Variants in NIN observed in about 807,000 individuals in gnomAD.
The protein encoded by NIN is ninein, also known as glycogen synthase kinase 3 beta-interacting protein.
Under a neutral mutation model 257.6 loss-of-function variants are expected in NIN, and 137 were observed. The observed-to-expected ratio is 0.53, with a 90% CI of 0.46 to 0.61. The LOEUF (loss-of-function observed/expected upper bound fraction) is 0.61. Among genes scored for constraint, NIN ranks in the 20% least tolerant of loss-of-function variants. The pLI is 0.00. For missense variants in NIN, 2,439 were observed against 2,501.2 expected (o/e 0.98, Z 0.53); for synonymous variants, 918 against 919.8 (o/e 1.00, Z 0.04).
chr14:50,747,595 G>A (rs1278438306), intron 22 of NIN, among the ~76,000 whole-genome samples: 3 of 152,038 alleles, frequency 2.0e-5, no homozygotes, highest in Non-Finnish European at 2.9e-5. Flanking sequence ...TTATCTGGGC[G>A]TGGTGATGGG....
intron 4 of NIN, among the ~76,000 whole-genome samples, chr14:50,796,963 G>C (rs1402499340): frequency 6.6e-6 from 1 of 152,194 alleles, no homozygotes; most frequent in East Asian, 1.9e-4. Context: ...AAGCAATGAG[G>C]ACCTAAGGGA....
rs1361386497 is a variant in NIN at position 50,749,213 on chromosome 14, G to C, written c.4951-1108C>G. On this transcript the variant is annotated intron_variant, in intron 21 of 30. Transcript: ENST00000530997. ...CTGACAAAAACAAGAAATGGGGAAA[G>C]GATTCCCTATTTAATAAATGGTGTT... Among the ~76,000 whole-genome samples, 33 of 152,146 alleles carry C rather than the reference G, an allele frequency of 2.2e-4. 1 individual carries two copies. The highest frequency in any genetic ancestry group is 4.9e-4 in the Non-Finnish European group (33 of 68,022).
chr14:50,744,329 T>A lies in NIN; in HGVS notation c.5101A>T (p.Lys1701Ter). ...TTGTAGCTTAGAACACTAGAGATTT[T>A]TTGCTGGAAGTCAGAGAGATCGGGA... ...RCPDLSDFQQ[K>*]ISSVLSYNEK... is the part of the protein sequence containing the mutation. Residue 1701 changes from lysine (K) to a stop codon, truncating the protein, a stop_gained, in exon 23 of 31, where the codon AAA (lysine) becomes TAA (stop). Coordinates refer to ENST00000530997, the MANE Select transcript of NIN (RefSeq NM_020921.4). LOFTEE classifies it high-confidence loss of function. 1 of 1,614,158 alleles carries A rather than the reference T, an allele frequency of 6.2e-7. No homozygotes were observed. Among genetic ancestry groups the A allele is most frequent in the Non-Finnish European group, 8.5e-7 (1 of 1,180,000 alleles).
chr14:50,727,692 C>A (rs893551931), intron 29 of NIN: 2 of 1,440,112 alleles, frequency 1.4e-6, no homozygotes, highest in African/African-American at 2.8e-5. Context: ...CCAGTTTTCA[C>A]AGGTGCCCAA....
At position 50,814,426 on chromosome 14, in the gene NIN, C is replaced by A. The variant is rs1428207760; in HGVS notation, c.183+7448G>T. Among the ~76,000 whole-genome samples the A allele has an allele frequency of 5.3e-5, 8 of 152,290 alleles. No homozygotes were observed. The East Asian group carries it at 1.3e-3, about 26-fold the overall frequency. ...CAGCAAGTTAACGGTGTCCTTGGTG[C>A]TATGATAAGCCTTTGATACACACAA... is the stretch of plus-strand genomic sequence containing the variant. On this transcript the variant is annotated intron_variant, in intron 3 of 30. Transcript: ENST00000530997.
intron 4 of NIN, among the ~76,000 whole-genome samples, chr14:50,801,535 A>G (rs1209785747): frequency 6.6e-6 from 1 of 152,202 alleles, no homozygotes; most frequent in Non-Finnish European, 1.5e-5. Flanking sequence ...TCTGTGTGTA[A>G]TATCTCCTAA....
At chr14:50,825,805 A>G (rs2045431390) in intron 2 of NIN, among the ~76,000 whole-genome samples, 1 of 152,014 alleles carries the variant, frequency 6.6e-6, no homozygotes, top group South Asian at 2.1e-4. Context: ...CCCACACAAC[A>G]CTCCATGGCC....
intron 5 of NIN, among the ~76,000 whole-genome samples, chr14:50,789,229 G>A (rs1281215557): frequency 5.3e-5 from 8 of 152,194 alleles, no homozygotes; most frequent in Non-Finnish European, 1.0e-4. Flanking sequence ...AGAGGAGACA[G>A]AAGGGCTTCC....
intron 5 of NIN, among the ~76,000 whole-genome samples, chr14:50,783,797 T>C (rs182391567): frequency 5.3e-5 from 8 of 152,252 alleles, no homozygotes; most frequent in Non-Finnish European, 1.0e-4. Flanking sequence ...ATTCAGTTAC[T>C]GGAACGCCAC....
chr14:50,724,749 A>G (rs779584957), intron 30 of NIN, among the ~76,000 whole-genome samples: 1 of 151,956 alleles, frequency 6.6e-6, no homozygotes, highest in Non-Finnish European at 1.5e-5. Flanking sequence ...ACATGTGGTC[A>G]TAACTCCATG....
chr14:50,791,807 G>GCACACACACACACA (rs373370758), intron 5 of NIN, among the ~76,000 whole-genome samples: 10 of 116,756 alleles, frequency 8.6e-5, no homozygotes, highest in East Asian at 2.2e-4. Flanking sequence ...AGGTGCACGC[G>GCACACACACACACA]CACACACACA....
At chr14:50,830,395 C>A (rs1487655017) in intron 2 of NIN, 69 bp downstream of exon 2, 2 of 166,840 alleles carry the variant, frequency 1.2e-5, no homozygotes, top group Non-Finnish European at 2.9e-5. Context: ...ATCGCCACTA[C>A]CAGAAACCTC....
rs375887094 is a variant in NIN at position 50,793,751 on chromosome 14, G to A, written c.266-870C>T. Reference sequence around the variant, plus strand: ...CACCACCACCACCACCACCTCCACCGCCACAACTACAGGCTAAGCTTTTTC... The same window carrying A: ...CACCACCACCACCACCACCTCCACCACCACAACTACAGGCTAAGCTTTTTC... On this transcript the variant is annotated intron_variant, in intron 4 of 30. Transcript: ENST00000530997. Among the ~76,000 whole-genome samples the A allele has an allele frequency of 2.7e-3, 412 of 151,934 alleles. 2 individuals are homozygous for A. The highest frequency in any genetic ancestry group is 8.9e-3 in the African/African-American group (369 of 41,426).
intron 27 of NIN, 111 bp from the exon 28 acceptor site, chr14:50,735,728 A>G (rs1292346470): frequency 7.4e-7 from 1 of 1,345,580 alleles, no homozygotes; most frequent in Non-Finnish European, 9.8e-7. Context: ...CTTGGAAGAA[A>G]GCCAAGTTAA....
At chr14:50,803,160 T>C (rs1344001543) in intron 4 of NIN, among the ~76,000 whole-genome samples, 1 of 152,128 alleles carries the variant, frequency 6.6e-6, no homozygotes, top group African/African-American at 2.4e-5. Flanking sequence ...AAGACCAGCC[T>C]GGCCAAAATG....
chr14:50,811,415 G>A (rs59105050), intron 3 of NIN, among the ~76,000 whole-genome samples: 2 of 151,800 alleles, frequency 1.3e-5, no homozygotes, highest in African/African-American at 4.8e-5. Context: ...GGCCTTGAGG[G>A]TATTACTCTT....
chr14:50,767,363 CTG>C (rs2042529756), intron 12 of NIN, among the ~76,000 whole-genome samples: 1 of 152,178 alleles, frequency 6.6e-6, no homozygotes, highest in South Asian at 2.1e-4. Flanking sequence ...TATTTGCAAA[CTG>C]AAATTATAAT....
At chr14:50,777,836 C>T (rs1214477281) in intron 6 of NIN, among the ~76,000 whole-genome samples, 1 of 152,190 alleles carries the variant, frequency 6.6e-6, no homozygotes, top group Admixed American at 6.5e-5. Flanking sequence ...TTGCTTTACA[C>T]ATTAGAGATT....
chr14:50,723,978 C>A lies in NIN; in HGVS notation c.6193-306G>T, dbSNP rs1362263580. The stretch of plus-strand genomic sequence containing the variant: ...AATAGGCATTATTTCTGTATTTATT[C>A]TTTAAAAATATCAAATACTTTTATA... On this transcript the variant is annotated intron_variant, in intron 30 of 30. Transcript: ENST00000530997. 1.0e-5 allele frequency: 3 copies of A among 298,236 alleles called. No homozygotes were observed. In the East Asian group the frequency reaches 1.9e-4, roughly 19 times the overall value. 18.5% of individuals were successfully genotyped at this position (298,236 alleles called of 1,614,324 possible). A position where few individuals can be genotyped will look rare whatever the true frequency, so the allele number is the denominator to read the frequency against.
Sources: gnomAD v4.1 joint callset for allele counts (sites outside exome capture counted in the v4.1 genomes callset) on GRCh38, gnomAD v4.1.1 for gene constraint, MANE v1.5 for transcripts, NCBI Gene and HGNC (gene_info 2026-07-23, HGNC 2026-07-21) for gene names.